Variants in BABAM2 observed in about 807,000 individuals in gnomAD.
The protein encoded by BABAM2 is BRISC and BRCA1-A complex member 2.
A neutral mutation model predicts 54.7 loss-of-function variants in BABAM2; 31 were observed. The observed-to-expected ratio is 0.57, with a 90% CI of 0.43 to 0.77. The LOEUF (loss-of-function observed/expected upper bound fraction) is 0.77. Ranked by LOEUF, BABAM2 falls within the 30% of genes least tolerant of loss-of-function variation. The pLI, the probability that BABAM2 is intolerant of heterozygous loss-of-function variation, is 0.00. For missense variants in BABAM2, 364 were observed against 455.8 expected (o/e 0.80, Z 1.83); for synonymous variants, 167 against 162.9 (o/e 1.03, Z -0.19).
At chr2:27,921,094 G>A (rs1667314977) in intron 2 of BABAM2, among the ~76,000 whole-genome samples, 1 of 152,066 alleles carries the variant, frequency 6.6e-6, no homozygotes, top group South Asian at 2.1e-4. Context: ...ATAATTTAAA[G>A]AGGAGTCAAA....
At chr2:28,016,051 A>G (rs1034330970) in intron 4 of BABAM2, 3 of 707,678 alleles carry the variant, frequency 4.2e-6, no homozygotes, top group Non-Finnish European at 7.4e-6. Flanking sequence ...AGTTTCTGAC[A>G]TGGACCTTTC....
intron 10 of BABAM2, among the ~76,000 whole-genome samples, chr2:28,268,920 G>A (rs1213077343): frequency 6.6e-6 from 1 of 152,168 alleles, no homozygotes; most frequent in African/African-American, 2.4e-5. Context: ...CTGTTATTGT[G>A]ATCCTTGCCA....
chr2:28,316,826 A>C (rs1399530368), intron 11 of BABAM2, among the ~76,000 whole-genome samples: 3 of 152,196 alleles, frequency 2.0e-5, no homozygotes, highest in Non-Finnish European at 2.9e-5. Flanking sequence ...AGGATCATGG[A>C]TATCGAAGCC....
chr2:27,931,558 A>G (rs1478848173), intron 3 of BABAM2, among the ~76,000 whole-genome samples: 1 of 152,068 alleles, frequency 6.6e-6, no homozygotes, highest in Non-Finnish European at 1.5e-5. Flanking sequence ...TAATGTAGTT[A>G]TATCACCATT....
intron 3 of BABAM2, among the ~76,000 whole-genome samples, chr2:27,973,311 T>C (rs1300724630): frequency 2.0e-5 from 3 of 152,142 alleles, no homozygotes; most frequent in Non-Finnish European, 4.4e-5. Context: ...TATCTCCTGG[T>C]TTGGATCCTA....
intron 2 of BABAM2, among the ~76,000 whole-genome samples, chr2:27,908,536 G>A (rs1666352067): frequency 6.6e-6 from 1 of 152,142 alleles, no homozygotes; most frequent in Non-Finnish European, 1.5e-5. Context: ...GCCTCTCAAA[G>A]TGCTGGATTA....
chr2:27,987,814 C>CAA (rs201176376), intron 3 of BABAM2, among the ~76,000 whole-genome samples, 179 bp from the exon 4 acceptor site: 6 of 62,146 alleles, frequency 9.7e-5, no homozygotes, highest in African/African-American at 2.9e-4. Flanking sequence ...GACCCTGTCT[C>CAA]AAAAAAAAAA....
intron 11 of BABAM2, among the ~76,000 whole-genome samples, chr2:28,319,642 T>C (rs2148304260): frequency 6.6e-6 from 1 of 152,318 alleles, no homozygotes; most frequent in African/African-American, 2.4e-5. Context: ...GCAAGGCAAG[T>C]GTGGCTGGTG....
At chr2:28,031,405 A>G (rs1337792893) in intron 5 of BABAM2, among the ~76,000 whole-genome samples, 1 of 152,180 alleles carries the variant, frequency 6.6e-6, no homozygotes, top group Non-Finnish European at 1.5e-5. Flanking sequence ...CAGAGCTTGA[A>G]AAGATAGCTA....
intron 2 of BABAM2, among the ~76,000 whole-genome samples, chr2:27,895,621 T>C (rs1041090623): frequency 3.3e-5 from 5 of 152,214 alleles, no homozygotes; most frequent in Admixed American, 6.5e-5. Context: ...TTTCTCCTTG[T>C]AATTAGTTAA....
chr2:28,315,439 T>G (rs935741536), intron 11 of BABAM2, among the ~76,000 whole-genome samples: 6 of 58,670 alleles, frequency 1.0e-4, no homozygotes, highest in African/African-American at 2.9e-4. Flanking sequence ...TTCTTTTCTT[T>G]TCTTTTCTTT....
chr2:28,286,189 C>T (rs1035149373), intron 10 of BABAM2, among the ~76,000 whole-genome samples: 11 of 151,852 alleles, frequency 7.2e-5, no homozygotes, highest in Non-Finnish European at 2.9e-5. Context: ...CTCCTGACCT[C>T]GTGATCCACC....
At chr2:28,024,666 C>T (rs1216192384) in intron 4 of BABAM2, among the ~76,000 whole-genome samples, 6 of 152,074 alleles carry the variant, frequency 3.9e-5, no homozygotes, top group African/African-American at 4.8e-5. Context: ...TTCAGATTTG[C>T]GCATTTGGCA....
intron 4 of BABAM2, chr2:28,016,361 C>A: frequency 7.6e-7 from 1 of 1,310,686 alleles, no homozygotes; most frequent in Non-Finnish European, 1.1e-6. Flanking sequence ...TACTTCTTCC[C>A]AGGTAGGCCT....
intron 3 of BABAM2, among the ~76,000 whole-genome samples, chr2:27,982,574 C>T (rs997523845): frequency 1.3e-5 from 2 of 151,834 alleles, no homozygotes; most frequent in African/African-American, 4.8e-5. Flanking sequence ...TCCAGTTGTC[C>T]CATCACCATT....
intron 4 of BABAM2, among the ~76,000 whole-genome samples, chr2:28,023,821 C>G (rs373476190): frequency 1.3e-5 from 2 of 151,950 alleles, no homozygotes; most frequent in Admixed American, 6.6e-5. Flanking sequence ...TTGGTTTGTC[C>G]TTAAGGCAAT....
chr2:28,172,061 CTG>C (rs1674376161), intron 7 of BABAM2, among the ~76,000 whole-genome samples: 1 of 148,956 alleles, frequency 6.7e-6, no homozygotes, highest in Non-Finnish European at 1.5e-5. Context: ...CCTGTGTCTT[CTG>C]TGTTTTGTTT....
intron 7 of BABAM2, among the ~76,000 whole-genome samples, chr2:28,207,868 G>C (rs1263378271): frequency 6.6e-6 from 1 of 152,090 alleles, no homozygotes; most frequent in African/African-American, 2.4e-5. Flanking sequence ...GTGCTTCTCT[G>C]TAACTTAGGA....
At chr2:28,257,909 G>A (rs138332899) in intron 10 of BABAM2, among the ~76,000 whole-genome samples, 8,484 of 151,932 alleles carry the variant, frequency 0.056, 286 homozygotes, top group South Asian at 0.12. Flanking sequence ...GGGCGTGGTG[G>A]CTCACGCCTG....
Sources: allele counts gnomAD v4.1 joint callset (sites outside exome capture counted in the v4.1 genomes callset), GRCh38; gene constraint gnomAD v4.1.1; transcripts MANE v1.5; gene names NCBI Gene and HGNC (gene_info 2026-07-23, HGNC 2026-07-21).